MYO10: variants seen among roughly 807,000 people sequenced by gnomAD.
MYO10 encodes the protein myosin X.
A neutral mutation model predicts 257.3 loss-of-function variants in MYO10; 133 were observed. The observed-to-expected ratio is 0.52, with a 90% confidence interval of 0.45 to 0.60. The LOEUF (loss-of-function observed/expected upper bound fraction) is 0.60, where lower values mean the gene tolerates loss of function less well. Ranked by LOEUF, MYO10 falls within the 20% of genes least tolerant of loss-of-function variation. The pLI is 0.00. For synonymous variants in MYO10, 1,104 were observed against 1,028.6 expected, an observed-to-expected ratio of 1.07 and a Z score of -1.40; for missense variants, 2,399 against 2,635.7, an observed-to-expected ratio of 0.91 and a Z score of 1.97.
At position 16,766,341 on chromosome 5, in the gene MYO10, C is replaced by G. The variant is rs1202946943; in HGVS notation, c.1061-143G>C. On this transcript the variant is annotated intron_variant, in intron 10 of 40. Coordinates refer to ENST00000513610, the MANE Select transcript of MYO10 (RefSeq NM_012334.3). ...ATGTTATTGCTAAGTTACTCATTCC[C>G]TTAGTGAATCCTAGATTAGTAGCAT... 9.1e-6 allele frequency: 6 copies of G among 660,548 alleles called. No individual in the cohort carries two copies. The East Asian group carries it at 1.4e-4, about 15-fold the overall frequency. The allele number at this position is 660,548 out of a possible 1,614,324, so 40.9% of individuals were successfully genotyped here.
At chr5:16,780,500 T>C (rs755056461) in intron 8 of MYO10, 24 bp downstream of exon 8, 1 of 1,534,428 alleles carries the variant, frequency 6.5e-7, no homozygotes, top group Non-Finnish European at 8.9e-7. Flanking sequence ...CTAGTCCACA[T>C]TATCCAGCTG....
chr5:16,861,271 G>A (rs1264748048), intron 2 of MYO10, among the ~76,000 whole-genome samples: 2 of 150,402 alleles, frequency 1.3e-5, no homozygotes, highest in African/African-American at 4.9e-5. Flanking sequence ...AAAAAAAAGT[G>A]AAGAAAAAAA....
At chr5:16,699,425 G>C in intron 26 of MYO10, 25 bp downstream of exon 26, 1 of 1,610,996 alleles carries the variant, frequency 6.2e-7, no homozygotes, top group Non-Finnish European at 8.5e-7. Flanking sequence ...CCCTAACCCA[G>C]ACTCCATGGC....
At chr5:16,671,342 G>A in intron 38 of MYO10, 80 bp downstream of exon 38, 1 of 1,516,630 alleles carries the variant, frequency 6.6e-7, no homozygotes, top group Non-Finnish European at 9.0e-7. Context: ...CTAAGTACCA[G>A]TTAACTTACA....
intron 3 of MYO10, among the ~76,000 whole-genome samples, chr5:16,800,441 G>T (rs28297): frequency 0.58 from 88,765 of 151,958 alleles, 25,967 homozygotes; most frequent in South Asian, 0.65. Context: ...ATAACAGACT[G>T]TTGCTGCTTT....
rs752620351 is a variant in MYO10 at position 16,704,676 on chromosome 5, G to A, written c.2179C>T (p.Arg727Ter). 4.3e-6 allele frequency: 7 copies of A among 1,613,586 alleles called. No individual in the cohort carries two copies. Among genetic ancestry groups the A allele is most frequent in the African/African-American group, 1.3e-5 (1 of 74,894 alleles). Reference sequence around the variant, plus strand: ...TCCAGTTTCTGTTCCAAGGATTCTCGAAGAAAGACCTGCTCAGGACGGAGT... The same window carrying A: ...TCCAGTTTCTGTTCCAAGGATTCTCAAAGAAAGACCTGCTCAGGACGGAGT... Reference protein sequence around the residue: ...WQLGKTKVFLRESLEQKLEKR... With the variant: ...WQLGKTKVFL The change falls in exon 22 of 41, where the codon CGA becomes TGA. Residue 727 changes from arginine to a stop codon, truncating the protein, a stop_gained. Transcript: ENST00000513610. LOFTEE classifies it high-confidence loss of function.
At position 16,935,995 on chromosome 5, in the gene MYO10, C is replaced by A. The variant is rs1358287876; in HGVS notation, c.-187G>T. 18 of 651,912 alleles carry A rather than the reference C, an allele frequency of 2.8e-5. No homozygotes were observed. Among genetic ancestry groups the A allele is most frequent in the Non-Finnish European group, 3.7e-5 (14 of 375,234 alleles). The allele number at this position is 651,912 out of a possible 1,614,324, so 40.4% of individuals were successfully genotyped here. On this transcript the variant is annotated 5_prime_UTR_variant, in exon 1 of 41. Coordinates refer to ENST00000513610, the MANE Select transcript of MYO10 (RefSeq NM_012334.3). ...ACCTTTTGTTCGCCCAAACCCAAGT[C>A]CCTAACTCGCCCGTCCCGACGGCAG...
chr5:16,780,579 T>C lies in MYO10; in HGVS notation c.771A>G (p.Glu257=), dbSNP rs963997275. ...KNRVVRQNPG[E]RNYHIFYALL... ...GTGCATAAAATATGTGATAATTCCT[T>C]TCCCCGGGATTTTGCCTTACTACTC... Residue 257 remains glutamate (E), a synonymous_variant, in exon 8 of 41, where the codon GAA becomes GAG. Transcript: ENST00000513610. 1.9e-6 allele frequency: 3 copies of C among 1,580,960 alleles called. No homozygotes were observed. Among genetic ancestry groups the C allele is most frequent in the African/African-American group, 1.3e-5 (1 of 74,580 alleles).
At chr5:16,756,323 C>T (rs924760539) in intron 18 of MYO10, among the ~76,000 whole-genome samples, 1 of 152,178 alleles carries the variant, frequency 6.6e-6, no homozygotes, top group Admixed American at 6.5e-5. Context: ...ACCTAGGCCT[C>T]CTAAAGTGCT....
intron 3 of MYO10, chr5:16,814,978 GTT>G (rs11322981): frequency 0.013 from 1,919 of 151,748 alleles, 43 homozygotes; most frequent in African/African-American, 0.043. Context: ...CCCTTGTGTA[GTT>G]TTTTTTTCCT....
At chr5:16,877,814 T>C in intron 1 of MYO10, 107 bp from the exon 2 acceptor site, 1 of 813,564 alleles carries the variant, frequency 1.2e-6, no homozygotes, top group Non-Finnish European at 2.0e-6. Context: ...AAAAATCTTC[T>C]TGAAAAGTAA....
At chr5:16,872,036 A>C (rs1744469186) in intron 2 of MYO10, among the ~76,000 whole-genome samples, 1 of 152,234 alleles carries the variant, frequency 6.6e-6, no homozygotes, top group Non-Finnish European at 1.5e-5. Flanking sequence ...CAACCCATAA[A>C]TACTGTTGAA....
At chr5:16,855,986 T>C (rs892230675) in intron 2 of MYO10, among the ~76,000 whole-genome samples, 2 of 152,238 alleles carry the variant, frequency 1.3e-5, no homozygotes, top group Admixed American at 1.3e-4. Context: ...AGCAGCCAGA[T>C]GAACGACGGA....
Position 16,860,741 on chromosome 5 carries a change from C to G in MYO10, c.120+16868G>C, listed in dbSNP as rs149970660. On this transcript the variant is annotated intron_variant, in intron 2 of 40. Transcript: ENST00000513610. Reference sequence around the variant, plus strand: ...CCAGGGCCTCTGACAGATGAGGGCCCGTGATGAACGATGGGTGGGTGGAGG... The same window carrying G: ...CCAGGGCCTCTGACAGATGAGGGCCGGTGATGAACGATGGGTGGGTGGAGG... Among the ~76,000 whole-genome samples the G allele has an allele frequency of 5.7e-3, 854 of 148,906 alleles. 7 individuals are homozygous for G. Among genetic ancestry groups the G allele is most frequent in the Non-Finnish European group, 9.7e-3 (662 of 67,942 alleles).
rs746751894 is a variant in MYO10, at chr5:16,762,115, T to TA, written c.1588-3dup. On this transcript the variant is annotated splice_polypyrimidine_tract_variant and splice_region_variant and intron_variant, in intron 15 of 40. Coordinates refer to ENST00000513610, the MANE Select transcript of MYO10 (RefSeq NM_012334.3). ...GGGCTTCACATAAAAGTGGTTATTC[T>TA]AAAAAAAAAAAAAAAAAAAAAAAAA... The TA allele has an allele frequency of 0.045, 25,607 of 565,640 alleles. 921 individuals are homozygous for TA. Among genetic ancestry groups the TA allele is most frequent in the Admixed American group, 0.055 (784 of 14,240 alleles). 35.0% of individuals were successfully genotyped at this position (565,640 alleles called of 1,614,324 possible).
Position 16,778,749 on chromosome 5 carries a change from T to TGC in MYO10, c.930+794_930+795dup, listed in dbSNP as rs902614153. On this transcript the variant is annotated intron_variant, in intron 9 of 40. Transcript: ENST00000513610. The stretch of plus-strand genomic sequence containing the variant: ...GCTGTCTCCCAGGCTGGAGTGCAGT[T>TGC]GCGCGATCTCGGCTCACTGCAAGCT... Among the ~76,000 whole-genome samples, 4 of 148,052 alleles carry TGC rather than the reference T, an allele frequency of 2.7e-5. No individual in the cohort carries two copies. The Admixed American group carries it at 2.7e-4, about 10-fold the overall frequency.
chr5:16,840,684 A>G (rs1447310248), intron 2 of MYO10, among the ~76,000 whole-genome samples: 1 of 151,864 alleles, frequency 6.6e-6, no homozygotes, highest in Non-Finnish European at 1.5e-5. Flanking sequence ...AGAAAACACA[A>G]TAAAAAAATG....
chr5:16,669,190 C>T (rs886964273), intron 39 of MYO10, among the ~76,000 whole-genome samples: 2 of 150,660 alleles, frequency 1.3e-5, no homozygotes, highest in Non-Finnish European at 2.9e-5. Context: ...TTCTCTGCAT[C>T]CTCCATGCAA....
At chr5:16,923,412 A>G (rs533380506) in intron 1 of MYO10, among the ~76,000 whole-genome samples, 1,911 of 151,692 alleles carry the variant, frequency 0.013, 38 homozygotes, top group African/African-American at 0.045. Context: ...TCAGCCTCCC[A>G]AGTAGCTGGG....
Sources: allele counts gnomAD v4.1 joint callset (sites outside exome capture counted in the v4.1 genomes callset), GRCh38; gene constraint gnomAD v4.1.1; transcripts MANE v1.5; gene names NCBI Gene and HGNC (gene_info 2026-07-23, HGNC 2026-07-21).